Variants in QSOX1 observed in about 807,000 individuals in gnomAD.
QSOX1 encodes the protein sulfhydryl oxidase 1.
Under a neutral mutation model 76.1 loss-of-function variants are expected in QSOX1, and 40 were observed. The ratio of observed to expected loss-of-function variants is 0.53; its 90% confidence interval spans 0.41 to 0.68. The LOEUF (loss-of-function observed/expected upper bound fraction) is 0.68, where lower values mean the gene tolerates loss of function less well. Among genes scored for constraint, QSOX1 ranks in the 30% least tolerant of loss-of-function variants. The probability of loss-of-function intolerance (pLI) is 0.00; values close to 1 mark genes in which losing one functional copy is unlikely to be tolerated. For synonymous variants in QSOX1, 392 were observed against 413.1 expected (o/e 0.95, Z 0.62); for missense variants, 931 against 974.3 (o/e 0.96, Z 0.59).
intron 1 of QSOX1, among the ~76,000 whole-genome samples, chr1:180,157,031 A>G (rs1439220785): frequency 6.6e-6 from 1 of 152,198 alleles, no homozygotes; most frequent in South Asian, 2.1e-4. Flanking sequence ...TATGAGTTGC[A>G]TGTCTAGATA....
chr1:180,183,055 G>A (rs887866713), intron 6 of QSOX1, among the ~76,000 whole-genome samples: 1 of 152,218 alleles, frequency 6.6e-6, no homozygotes, highest in African/African-American at 2.4e-5. Flanking sequence ...GGACAGGGAG[G>A]CACTCGCTTT....
chr1:180,156,857 A>C (rs893298122), intron 1 of QSOX1, among the ~76,000 whole-genome samples: 5 of 152,208 alleles, frequency 3.3e-5, no homozygotes, highest in African/African-American at 1.2e-4. Flanking sequence ...GAACATCATA[A>C]AAATTCCCAG....
At chr1:180,195,761 G>T (rs1487807551) in intron 11 of QSOX1, among the ~76,000 whole-genome samples, 1 of 152,246 alleles carries the variant, frequency 6.6e-6, no homozygotes, top group East Asian at 1.9e-4. Flanking sequence ...CCTCTTGCTT[G>T]AAAACGCATT....
chr1:180,189,214 T>G (rs1422072103), intron 8 of QSOX1, among the ~76,000 whole-genome samples: 1 of 152,138 alleles, frequency 6.6e-6, no homozygotes, highest in South Asian at 2.1e-4. Context: ...TGCTCCAGCC[T>G]TCCTCCCAGT....
chr1:180,167,449 A>G (rs1043022333), intron 2 of QSOX1, among the ~76,000 whole-genome samples: 2 of 152,210 alleles, frequency 1.3e-5, no homozygotes, highest in Non-Finnish European at 2.9e-5. Flanking sequence ...CTGGAACAAG[A>G]TACCTCTGAG....
chr1:180,190,477 G>T lies in QSOX1; in HGVS notation c.1185G>T (p.Gly395=), dbSNP rs374594460. The change falls in exon 10 of 12, where the codon GGG becomes GGT. Residue 395 remains glycine, a synonymous_variant. Transcript: ENST00000367602. ...AGGTGAACTGGATTGGCTGCCAGGG[G>T]AGTGAGCCGCATTTCCGGGGCTTTC... ...AKKVNWIGCQ[G]SEPHFRGFPC... is the part of the protein sequence containing the mutation. 6.2e-7 allele frequency: 1 copy of T among 1,614,080 alleles called. No homozygotes were observed. Among genetic ancestry groups the T allele is most frequent in the South Asian group, 1.1e-5 (1 of 91,080 alleles).
Position 180,171,618 on chromosome 1 carries a change from C to T in QSOX1, c.367-3703C>T, listed in dbSNP as rs528601849. Among the ~76,000 whole-genome samples the T allele has an allele frequency of 4.6e-5, 7 of 152,324 alleles. No homozygotes were observed. The South Asian group carries it at 6.2e-4, about 14-fold the overall frequency. ...TTCATTGATCCCTTTATCCACTCAT[C>T]ATTTAGAAGCAAGATTGAGCAACTT... On this transcript the variant is annotated intron_variant, in intron 2 of 11. Coordinates refer to ENST00000367602, the MANE Select transcript of QSOX1 (RefSeq NM_002826.5).
chr1:180,196,208 G>C lies in QSOX1; in HGVS notation c.1469-54G>C. On this transcript the variant is annotated intron_variant, in intron 11 of 11. Transcript: ENST00000367602. This position sits in a 1 kb window ranked among gnomAD's most constrained non-coding sequence, Gnocchi z 4.1. ...GTTCTGAGTGGAGGAGTGTGGTCTG[G>C]GTTTTTGGGTGGGACTGATGTCACC... 6.4e-7 allele frequency: 1 copy of C among 1,552,484 alleles called. No individual in the cohort carries two copies. The highest frequency in any genetic ancestry group is 1.2e-5 in the South Asian group (1 of 81,694).
intron 3 of QSOX1, 21 bp from the exon 4 acceptor site, chr1:180,175,910 C>A: frequency 6.4e-7 from 1 of 1,557,674 alleles, no homozygotes; most frequent in Non-Finnish European, 8.7e-7. Flanking sequence ...ACACTCCGCT[C>A]ACGCCTGTTT....
chr1:180,155,289 T>C, intron 1 of QSOX1, 117 bp downstream of exon 1: 1 of 970,954 alleles, frequency 1.0e-6, no homozygotes, highest in Non-Finnish European at 1.4e-6. Flanking sequence ...TCCGCCCACC[T>C]CTTCCTCTCC....
Position 180,197,275 on chromosome 1 carries a change from C to A in QSOX1, c.*238C>A. 4.3e-6 allele frequency: 7 copies of A among 1,613,016 alleles called. No individual in the cohort carries two copies. The highest frequency in any genetic ancestry group is 5.9e-6 in the Non-Finnish European group (7 of 1,179,774). ...GCTGTGCAGGGAGGGCAGCCCCGGGCAGTGGGCATAGGGCAGCTCAGTCCC... is the reference window on the plus strand; with the variant it reads ...GCTGTGCAGGGAGGGCAGCCCCGGGAAGTGGGCATAGGGCAGCTCAGTCCC... On this transcript the variant is annotated 3_prime_UTR_variant, in exon 12 of 12. Transcript: ENST00000367602.
intron 10 of QSOX1, among the ~76,000 whole-genome samples, chr1:180,191,250 T>C (rs1351535172): frequency 6.6e-6 from 1 of 152,208 alleles, no homozygotes; most frequent in African/African-American, 2.4e-5. Flanking sequence ...CCGCTCTTGG[T>C]GGACCTCTAG....
rs780130100 is a variant in QSOX1, at chr1:180,189,537, T to C, written c.1018-15T>C. On this transcript the variant is annotated splice_polypyrimidine_tract_variant and intron_variant, in intron 8 of 11. Coordinates refer to ENST00000367602, the MANE Select transcript of QSOX1 (RefSeq NM_002826.5). ...TGCTTTTCACTCTCCAGCTTCCGCT[T>C]GTTCCTCCCCACAGTATTTCCCTGG... 2.0e-6 allele frequency: 3 copies of C among 1,533,866 alleles called. No individual in the cohort carries two copies. Among genetic ancestry groups the C allele is most frequent in the Non-Finnish European group, 2.7e-6 (3 of 1,127,130 alleles).
intron 2 of QSOX1, among the ~76,000 whole-genome samples, chr1:180,174,278 G>T (rs377433886): frequency 6.6e-6 from 1 of 152,228 alleles, no homozygotes; most frequent in East Asian, 1.9e-4. Flanking sequence ...CAGAAGCCCA[G>T]ATTGCCAGGA....
Position 180,198,428 on chromosome 1 carries a change from G to T in QSOX1, c.*1391G>T. The T allele has an allele frequency of 2.2e-6, 1 of 455,558 alleles. No individual in the cohort carries two copies. The highest frequency in any genetic ancestry group is 1.5e-5 in the South Asian group (1 of 64,554). The allele number at this position is 455,558 out of a possible 1,614,324, so 28.2% of individuals were successfully genotyped here. A position where few individuals can be genotyped will look rare whatever the true frequency, so the allele number is the denominator to read the frequency against. On this transcript the variant is annotated 3_prime_UTR_variant, in exon 12 of 12. Transcript: ENST00000367602. ...GGATTAGAGAGCCTGCCCCTAATCCGGCCTGCTGGGTTTTACAAGGATCAG... is the reference window on the plus strand; with the variant it reads ...GGATTAGAGAGCCTGCCCCTAATCCTGCCTGCTGGGTTTTACAAGGATCAG...
chr1:180,194,258 A>C lies in QSOX1; in HGVS notation c.1334A>C (p.Tyr445Ser). ...VLPAIRGYVH[Y>S]FFGCRDCASH... is the part of the protein sequence containing the mutation. ...CCAGCCATCCGAGGCTACGTGCACT[A>C]CTTCTTCGGCTGCCGAGACTGCGCT... Residue 445 changes from tyrosine to serine, a missense_variant, in exon 11 of 12, where the codon TAC (tyrosine) becomes TCC (serine). Tyr to Ser is a moderately radical substitution (Grantham distance 144, BLOSUM62 -2). Transcript: ENST00000367602. The C allele has an allele frequency of 6.2e-7, 1 of 1,613,184 alleles. No individual in the cohort carries two copies. The highest frequency in any genetic ancestry group is 8.5e-7 in the Non-Finnish European group (1 of 1,179,522).
In QSOX1 at chr1:180,197,085, T is replaced by A; in HGVS notation, c.*48T>A. 5.2e-6 allele frequency: 8 copies of A among 1,553,368 alleles called. No individual in the cohort carries two copies. The highest frequency in any genetic ancestry group is 7.0e-6 in the Non-Finnish European group (8 of 1,149,594). On this transcript the variant is annotated 3_prime_UTR_variant, in exon 12 of 12. Coordinates refer to ENST00000367602, the MANE Select transcript of QSOX1 (RefSeq NM_002826.5). ...GAGGGAGCTGCCATCTCTAGGCACCTCAAGCCCCCTGACCCCATTCCCTCC... is the reference window on the plus strand; with the variant it reads ...GAGGGAGCTGCCATCTCTAGGCACCACAAGCCCCCTGACCCCATTCCCTCC...
At position 180,198,316 on chromosome 1, in the gene QSOX1, C is replaced by T. The variant is rs1663557537; in HGVS notation, c.*1279C>T. On this transcript the variant is annotated 3_prime_UTR_variant, in exon 12 of 12. Transcript: ENST00000367602. Reference sequence around the variant, plus strand: ...GGCTGGTGAGGGAGAAGCCTGTCTGCACCTGCCTAATTCCAGCTCCTCCAG... The same window carrying T: ...GGCTGGTGAGGGAGAAGCCTGTCTGTACCTGCCTAATTCCAGCTCCTCCAG... 2 of 456,716 alleles carry T rather than the reference C, an allele frequency of 4.4e-6. No homozygotes were observed. The highest frequency in any genetic ancestry group is 8.8e-6 in the Non-Finnish European group (2 of 226,978). 28.3% of individuals were successfully genotyped at this position (456,716 alleles called of 1,614,324 possible).
At chr1:180,175,831 G>A (rs1662876068) in intron 3 of QSOX1, 100 bp from the exon 4 acceptor site, 1 of 900,814 alleles carries the variant, frequency 1.1e-6, no homozygotes, top group South Asian at 1.6e-5. Flanking sequence ...AGAGCTGGCT[G>A]TGCCCTCGGC....
Sources: gnomAD v4.1 joint callset for allele counts (sites outside exome capture counted in the v4.1 genomes callset) on GRCh38, gnomAD v4.1.1 for gene constraint, Gnocchi (gnomAD v3.1) non-coding constraint, MANE v1.5 for transcripts, NCBI Gene and HGNC (gene_info 2026-07-23, HGNC 2026-07-21) for gene names.